CSMD1: variants seen among roughly 807,000 people sequenced by gnomAD.
The protein encoded by CSMD1 is CUB and Sushi multiple domains 1, also known as CUB and sushi domain-containing protein 1.
In CSMD1, 213 loss-of-function variants were observed where a neutral mutation model predicts 417.5. The observed-to-expected ratio is 0.51, with a 90% CI of 0.46 to 0.57. The LOEUF (loss-of-function observed/expected upper bound fraction) is 0.57. Among genes scored for constraint, CSMD1 ranks in the 20% least tolerant of loss-of-function variants. The pLI is 0.00. For synonymous variants in CSMD1, 2,862 were observed against 1,736.8 expected, an observed-to-expected ratio of 1.65 and a Z score of -16.11; for missense variants, 6,923 against 4,529.7, an observed-to-expected ratio of 1.53 and a Z score of -15.17.
At chr8:4,846,034 G>T (rs560097472) in intron 1 of CSMD1, among the ~76,000 whole-genome samples, 3 of 152,140 alleles carry the variant, frequency 2.0e-5, no homozygotes, top group Admixed American at 1.3e-4. Flanking sequence ...TGTTTTTCCA[G>T]AATGAGCACT....
intron 62 of CSMD1, among the ~76,000 whole-genome samples, chr8:2,960,610 G>A (rs1024007847): frequency 1.3e-5 from 2 of 152,056 alleles, no homozygotes; most frequent in Non-Finnish European, 2.9e-5. Context: ...GTTCCAAAAT[G>A]ATATTTAGTA....
chr8:3,498,572 T>G (rs1282680138), intron 10 of CSMD1, among the ~76,000 whole-genome samples: 1 of 152,220 alleles, frequency 6.6e-6, no homozygotes, highest in Non-Finnish European at 1.5e-5. Context: ...TTTCAGCTGT[T>G]ATTTTATTAT....
intron 3 of CSMD1, among the ~76,000 whole-genome samples, chr8:4,165,342 T>G (rs766095038): frequency 3.0e-4 from 45 of 152,378 alleles, no homozygotes; most frequent in Admixed American, 1.9e-3. Flanking sequence ...ACACGTGGTG[T>G]CCCACAAATT....
At chr8:3,307,455 T>C (rs1006866944) in intron 25 of CSMD1, among the ~76,000 whole-genome samples, 4 of 152,168 alleles carry the variant, frequency 2.6e-5, no homozygotes, top group African/African-American at 7.2e-5. Flanking sequence ...TAGTTTGTTA[T>C]GCAGCAGAAG....
chr8:4,536,420 T>C (rs1797105571), intron 2 of CSMD1, among the ~76,000 whole-genome samples: 2 of 152,200 alleles, frequency 1.3e-5, no homozygotes, highest in Admixed American at 6.5e-5. Context: ...CATATAGGTA[T>C]GGATACTCTC....
intron 3 of CSMD1, among the ~76,000 whole-genome samples, chr8:4,085,598 A>G (rs1218107334): frequency 1.3e-5 from 2 of 152,198 alleles, no homozygotes; most frequent in Non-Finnish European, 2.9e-5. Flanking sequence ...GACGCTTGCA[A>G]CAACTTGTGG....
chr8:3,678,675 A>C (rs947250943), intron 7 of CSMD1, among the ~76,000 whole-genome samples: 2 of 152,178 alleles, frequency 1.3e-5, no homozygotes, highest in South Asian at 4.1e-4. Flanking sequence ...CAAATTCAGG[A>C]AACACAGAGG....
In CSMD1 at chr8:4,674,902, C is replaced by A. The variant is rs1234503735; in HGVS notation, c.86-37344G>T. ...TAGAAGGTGGAGACTCTCATGATGG[C>A]ATTAGTCCCTTTATAAGAAGAGATG... On this transcript the variant is annotated intron_variant, in intron 1 of 69. Coordinates refer to ENST00000635120, the MANE Select transcript of CSMD1 (RefSeq NM_033225.6). 2.0e-5 allele frequency among the ~76,000 whole-genome samples: 3 copies of A among 152,210 alleles called. No homozygotes were observed. In the East Asian group the frequency reaches 5.8e-4, roughly 29 times the overall value.
At chr8:3,436,689 G>A (rs928082762) in intron 12 of CSMD1, among the ~76,000 whole-genome samples, 2 of 151,974 alleles carry the variant, frequency 1.3e-5, no homozygotes, top group Admixed American at 6.6e-5. Flanking sequence ...CTATATACGC[G>A]ACACCTTAGA....
chr8:4,713,548 G>A (rs927826199), intron 1 of CSMD1, among the ~76,000 whole-genome samples: 2 of 152,076 alleles, frequency 1.3e-5, no homozygotes, highest in African/African-American at 2.4e-5. Flanking sequence ...ACTACAGGCG[G>A]CTGCCACCAC....
chr8:3,708,634 G>A, intron 6 of CSMD1, 143 bp from the exon 7 acceptor site: 1 of 654,310 alleles, frequency 1.5e-6, no homozygotes, highest in East Asian at 2.7e-5. Context: ...ATGATACCAA[G>A]TCAATGAAGT....
intron 69 of CSMD1, among the ~76,000 whole-genome samples, chr8:2,941,869 T>C (rs2128913255): frequency 6.6e-6 from 1 of 152,356 alleles, no homozygotes; most frequent in South Asian, 2.1e-4. Context: ...AAGGTTGAAA[T>C]ACCTTCTAAA....
rs116427365 is a variant in CSMD1 at position 4,192,916 on chromosome 8, T to G, written c.416-160817A>C. Reference sequence around the variant, plus strand: ...GTCACACCTTTAAGGACATACTCACTTTACCTAAGAGTATTTTCTGTACGT... The same window carrying G: ...GTCACACCTTTAAGGACATACTCACGTTACCTAAGAGTATTTTCTGTACGT... On this transcript the variant is annotated intron_variant, in intron 3 of 69. Coordinates refer to ENST00000635120, the MANE Select transcript of CSMD1 (RefSeq NM_033225.6). 7.1e-3 allele frequency among the ~76,000 whole-genome samples: 1,078 copies of G among 152,326 alleles called. 17 individuals carry two copies. The highest frequency in any genetic ancestry group is 0.025 in the African/African-American group (1,046 of 41,580).
chr8:4,623,420 T>G (rs1477374789), intron 2 of CSMD1, among the ~76,000 whole-genome samples: 1 of 152,160 alleles, frequency 6.6e-6, no homozygotes, highest in Non-Finnish European at 1.5e-5. Context: ...AGAAAACATT[T>G]TAGCCACTTC....
chr8:4,305,513 G>C (rs1489769409), intron 3 of CSMD1, among the ~76,000 whole-genome samples: 1 of 152,210 alleles, frequency 6.6e-6, no homozygotes, highest in South Asian at 2.1e-4. Context: ...CCTGAGGGCA[G>C]AGCGGTGTCA....
At chr8:4,625,536 C>T (rs1458882490) in intron 2 of CSMD1, among the ~76,000 whole-genome samples, 1 of 151,914 alleles carries the variant, frequency 6.6e-6, no homozygotes, top group Admixed American at 6.6e-5. Context: ...CCTGAACCAT[C>T]TCTAGTCCAA....
intron 2 of CSMD1, among the ~76,000 whole-genome samples, chr8:4,468,021 C>T (rs79119565): frequency 6.6e-6 from 1 of 151,904 alleles, no homozygotes; most frequent in Admixed American, 6.6e-5. Context: ...ATAACCCCAT[C>T]TCTCACATGG....
chr8:3,899,302 C>G (rs966053734), intron 5 of CSMD1, among the ~76,000 whole-genome samples: 2 of 152,160 alleles, frequency 1.3e-5, no homozygotes, highest in Non-Finnish European at 1.5e-5. Flanking sequence ...CTTTCAAGTA[C>G]GCTTTGCAAA....
At chr8:3,440,632 C>T (rs1256593492) in intron 12 of CSMD1, among the ~76,000 whole-genome samples, 1 of 152,058 alleles carries the variant, frequency 6.6e-6, no homozygotes, top group African/African-American at 2.4e-5. Flanking sequence ...ATCTGTATGC[C>T]CTGTTTCTCT....
Sources: gnomAD v4.1 joint callset for allele counts (sites outside exome capture counted in the v4.1 genomes callset) on GRCh38, gnomAD v4.1.1 for gene constraint, MANE v1.5 for transcripts, NCBI Gene and HGNC (gene_info 2026-07-23, HGNC 2026-07-21) for gene names.